COL25A1: variants seen among roughly 807,000 people sequenced by gnomAD.
The protein encoded by COL25A1 is collagen alpha-1(XXV) chain.
COL25A1 carries 103 observed loss-of-function variants against 128.4 expected under a neutral mutation model. The ratio of observed to expected loss-of-function variants is 0.80; its 90% CI spans 0.68 to 0.94. COL25A1 has a LOEUF of 0.94. Ranked by LOEUF, COL25A1 falls within the 40% of genes least tolerant of loss-of-function variation. COL25A1 has a pLI of 0.00. For synonymous variants in COL25A1, 279 were observed against 277.2 expected (o/e 1.01, Z -0.06); for missense variants, 745 against 840.0 (o/e 0.89, Z 1.40).
chr4:109,136,175 A>T (rs768979136), intron 3 of COL25A1, among the ~76,000 whole-genome samples: 13 of 152,268 alleles, frequency 8.5e-5, no homozygotes, highest in South Asian at 4.1e-4. Flanking sequence ...AGGCGGGTGG[A>T]TCACCTGAGG....
intron 31 of COL25A1, chr4:108,838,090 T>G: frequency 6.5e-7 from 1 of 1,542,444 alleles, no homozygotes; most frequent in Non-Finnish European, 8.8e-7. Context: ...AAAGTTTTCT[T>G]TACTTACTGG....
At chr4:109,216,340 T>A (rs547990575) in intron 3 of COL25A1, among the ~76,000 whole-genome samples, 1 of 152,004 alleles carries the variant, frequency 6.6e-6, no homozygotes, top group African/African-American at 2.4e-5. Context: ...GGGGGGCAGT[T>A]AAAGAAGAAA....
chr4:109,015,791 G>A (rs570703096), intron 5 of COL25A1, among the ~76,000 whole-genome samples: 2 of 152,330 alleles, frequency 1.3e-5, no homozygotes, highest in East Asian at 3.9e-4. Context: ...AAGCCACAAT[G>A]GAACATGATA....
chr4:109,065,549 T>C (rs200177542), intron 3 of COL25A1, among the ~76,000 whole-genome samples: 18,731 of 89,960 alleles, frequency 0.21, 1,483 homozygotes, highest in Admixed American at 0.41. Flanking sequence ...CGCGCGCGTG[T>C]GTGTGTGTGT....
In COL25A1 at chr4:109,197,500, ATAT is replaced by A. The variant is rs1343932470; in HGVS notation, c.367+103080_367+103082del. ...TATATTATATATTATATATAAATAT[ATAT>A]TATATAATATTTATATATAATATTA... On this transcript the variant is annotated intron_variant, in intron 3 of 37. Transcript: ENST00000399132. 1.5e-4 allele frequency among the ~76,000 whole-genome samples: 20 copies of A among 129,154 alleles called. No individual in the cohort carries two copies. In the East Asian group the frequency reaches 4.0e-3, roughly 26 times the overall value. The allele number at this position is 129,154 out of a possible 152,430, so 84.7% of individuals were successfully genotyped here.
At chr4:109,017,249 T>C (rs966214693) in intron 5 of COL25A1, among the ~76,000 whole-genome samples, 4 of 152,234 alleles carry the variant, frequency 2.6e-5, no homozygotes, top group Non-Finnish European at 1.5e-5. Context: ...CCTGGCTGTG[T>C]GCAATGGCTG....
At chr4:109,044,577 A>G (rs1760241240) in intron 5 of COL25A1, among the ~76,000 whole-genome samples, 2 of 152,104 alleles carry the variant, frequency 1.3e-5, no homozygotes, top group Admixed American at 1.3e-4. Flanking sequence ...CCCAGGTTAC[A>G]CTTTCTAATC....
intron 3 of COL25A1, among the ~76,000 whole-genome samples, chr4:109,264,661 G>T (rs1381002113): frequency 1.3e-5 from 2 of 152,194 alleles, no homozygotes; most frequent in African/African-American, 2.4e-5. Context: ...GGGGAATGGG[G>T]AATGATAGAT....
In COL25A1 at chr4:109,136,331, G is replaced by A. The variant is rs137941891; in HGVS notation, c.368-86152C>T. Reference sequence around the variant, plus strand: ...TGAGAATCGCTTAAGCCTGGGAGGCGGAGGTTGCAGTGAGCCGAGATCATG... The same window carrying A: ...TGAGAATCGCTTAAGCCTGGGAGGCAGAGGTTGCAGTGAGCCGAGATCATG... On this transcript the variant is annotated intron_variant, in intron 3 of 37. Coordinates refer to ENST00000399132, the MANE Select transcript of COL25A1 (RefSeq NM_198721.4). Among the ~76,000 whole-genome samples, 310 of 152,168 alleles carry A rather than the reference G, an allele frequency of 2.0e-3. 1 individual carries two copies. Among genetic ancestry groups the A allele is most frequent in the African/African-American group, 7.2e-3 (298 of 41,498 alleles).
intron 8 of COL25A1, among the ~76,000 whole-genome samples, chr4:108,958,296 G>A (rs1397901765): frequency 6.6e-6 from 1 of 151,910 alleles, no homozygotes; most frequent in African/African-American, 2.4e-5. Context: ...ATTTATAAGG[G>A]AAAATGTTCC....
At chr4:109,211,382 G>A (rs554096094) in intron 3 of COL25A1, among the ~76,000 whole-genome samples, 2 of 147,346 alleles carry the variant, frequency 1.4e-5, no homozygotes, top group Non-Finnish European at 3.0e-5. Context: ...GTTAGGAAGG[G>A]CAAGAGAGAC....
chr4:109,242,940 G>A (rs1277505518), intron 3 of COL25A1, among the ~76,000 whole-genome samples: 2 of 151,906 alleles, frequency 1.3e-5, no homozygotes, highest in Non-Finnish European at 2.9e-5. Context: ...TACTCTTTTA[G>A]CAATTTCTAG....
Position 109,024,698 on chromosome 4 carries a change from C to G in COL25A1, c.421-14323G>C, listed in dbSNP as rs111976818. Among the ~76,000 whole-genome samples the G allele has an allele frequency of 9.8e-3, 1,488 of 152,200 alleles. 27 individuals are homozygous for G. Among genetic ancestry groups the G allele is most frequent in the African/African-American group, 0.033 (1,377 of 41,536 alleles). On this transcript the variant is annotated intron_variant, in intron 5 of 37. Coordinates refer to ENST00000399132, the MANE Select transcript of COL25A1 (RefSeq NM_198721.4). Reference sequence around the variant, plus strand: ...TAATTAACTGCAGAAAACTTTTAAACCCTTAATTAAGTTGTTAATTTTTTT... The same window carrying G: ...TAATTAACTGCAGAAAACTTTTAAAGCCTTAATTAAGTTGTTAATTTTTTT...
rs764545848 is a variant in COL25A1 at position 108,884,236 on chromosome 4, T to C, written c.976-14A>G. ...CCCTGGTTCACCCTACACAGGAAAATCATATAGCATTATAGAATGATATTC... is the reference window on the plus strand; with the variant it reads ...CCCTGGTTCACCCTACACAGGAAAACCATATAGCATTATAGAATGATATTC... On this transcript the variant is annotated splice_polypyrimidine_tract_variant and intron_variant, in intron 18 of 37. Coordinates refer to ENST00000399132, the MANE Select transcript of COL25A1 (RefSeq NM_198721.4). The C allele has an allele frequency of 5.5e-5, 89 of 1,610,886 alleles. No homozygotes were observed. The Middle Eastern group carries it at 1.3e-3, about 24-fold the overall frequency.
chr4:109,021,304 C>T (rs1757728733), intron 5 of COL25A1, among the ~76,000 whole-genome samples: 1 of 152,228 alleles, frequency 6.6e-6, no homozygotes, highest in Non-Finnish European at 1.5e-5. Context: ...TTAGAACTTT[C>T]ACTGTTGCGG....
chr4:109,274,136 A>G (rs1376638970), intron 3 of COL25A1, among the ~76,000 whole-genome samples: 1 of 152,164 alleles, frequency 6.6e-6, no homozygotes, highest in African/African-American at 2.4e-5. Flanking sequence ...TTGTATATAC[A>G]TTGCATCATT....
chr4:109,051,023 T>G (rs1166069782), intron 3 of COL25A1, among the ~76,000 whole-genome samples: 1 of 152,048 alleles, frequency 6.6e-6, no homozygotes. Context: ...TGGGCAGGAG[T>G]AGCCTTGCAT....
chr4:109,293,429 G>A (rs1443678978), intron 3 of COL25A1, among the ~76,000 whole-genome samples: 1 of 151,976 alleles, frequency 6.6e-6, no homozygotes, highest in Non-Finnish European at 1.5e-5. Context: ...CCCCTTCCCT[G>A]ACCAGCTACT....
At chr4:108,827,261 T>C in intron 32 of COL25A1, 73 bp from the exon 33 acceptor site, 1 of 1,237,884 alleles carries the variant, frequency 8.1e-7, no homozygotes, top group Non-Finnish European at 1.2e-6. Context: ...ATGCCCTATG[T>C]CTAAAGCCTC....
Sources: allele counts gnomAD v4.1 joint callset (sites outside exome capture counted in the v4.1 genomes callset), GRCh38; gene constraint gnomAD v4.1.1; transcripts MANE v1.5; gene names NCBI Gene and HGNC (gene_info 2026-07-23, HGNC 2026-07-21).